The following HIGD1C variants were observed in gnomAD, a reference collection of about 807,000 sequenced individuals.
HIGD1C encodes the protein HIG1 domain family member 1C.
HIGD1C carries 11 observed loss-of-function variants against 13.1 expected under a neutral mutation model. That is an observed-to-expected ratio of 0.84 (90% CI 0.53 to 1.39). The LOEUF is 1.39. HIGD1C is among the 40% of genes most tolerant of loss of function. The pLI, the probability that HIGD1C is intolerant of heterozygous loss-of-function variation, is 0.00. For synonymous variants in HIGD1C, 36 were observed against 37.7 expected (o/e 0.95, Z 0.17); for missense variants, 110 against 112.0 (o/e 0.98, Z 0.08).
upstream of HIGD1C, among the ~76,000 whole-genome samples, chr12:50,951,473 C>T (rs575137156): frequency 6.6e-6 from 1 of 152,298 alleles, no homozygotes; most frequent in African/African-American, 2.4e-5. Flanking sequence ...CTTTCTGTGT[C>T]TCCTGATATT....
At chr12:50,966,105 A>T (rs1223654459) in intron 2 of HIGD1C, among the ~76,000 whole-genome samples, 1 of 152,180 alleles carries the variant, frequency 6.6e-6, no homozygotes, top group African/African-American at 2.4e-5. Context: ...TTTGCTGCCC[A>T]TCACAACAAT....
At chr12:50,956,465 T>C (rs557810041) in intron 1 of HIGD1C, among the ~76,000 whole-genome samples, 7 of 152,358 alleles carry the variant, frequency 4.6e-5, no homozygotes, top group African/African-American at 1.7e-4. Flanking sequence ...CTACTATGTA[T>C]TTTCCTGCTA....
rs35764288 is a variant in HIGD1C, at chr12:50,963,369, C to CAA, written c.229+2290_229+2291dup. 2.4e-3 allele frequency among the ~76,000 whole-genome samples: 176 copies of CAA among 72,048 alleles called. 1 individual carries two copies. The highest frequency in any genetic ancestry group is 8.3e-3 in the Middle Eastern group (1 of 120). The allele number at this position is 72,048 out of a possible 152,430, so 47.3% of individuals were successfully genotyped here. ...TGGGTGAAAGGGCAAGACTCCATCTCAAAAAAAAAAAAAAAAAAAAAAAAG... is the reference window on the plus strand; with the variant it reads ...TGGGTGAAAGGGCAAGACTCCATCTCAAAAAAAAAAAAAAAAAAAAAAAAAAG... On this transcript the variant is annotated intron_variant, in intron 2 of 2. Coordinates refer to ENST00000398455, the Ensembl canonical transcript of HIGD1C.
At chr12:50,958,022 T>C (rs1234183959) in intron 1 of HIGD1C, among the ~76,000 whole-genome samples, 1 of 147,978 alleles carries the variant, frequency 6.8e-6, no homozygotes. Flanking sequence ...GCCAGGCTGG[T>C]CCCGAACTTC....
the HIGD1C span, among the ~76,000 whole-genome samples, chr12:50,936,877 T>TCTACTA: frequency 9.8e-4 from 150 of 152,350 alleles, 3 homozygotes; most frequent in East Asian, 0.027. Context: ...GTCTAACTTC[T>TCTACTA]CTACTACCTA....
chr12:50,948,859 AGGAGGAG>A, the HIGD1C span, among the ~76,000 whole-genome samples: 68 of 28,880 alleles, frequency 2.4e-3, no homozygotes, highest in African/African-American at 0.011. Context: ...CGACAGAGCG[AGGAGGAG>A]GGGGGAGGGG....
upstream of HIGD1C, among the ~76,000 whole-genome samples, chr12:50,951,830 G>A (rs774899895): frequency 3.3e-5 from 5 of 150,902 alleles, no homozygotes; most frequent in Admixed American, 6.6e-5. Flanking sequence ...GCTGAGGCAG[G>A]AGAATTGCTT....
the HIGD1C span, among the ~76,000 whole-genome samples, chr12:50,946,200 C>G: frequency 6.6e-6 from 1 of 152,108 alleles, no homozygotes; most frequent in Admixed American, 6.5e-5. Context: ...CCACCAAAAG[C>G]AATGGCAACA....
chr12:50,931,642 C>T, the HIGD1C span: 8 of 140,342 alleles, frequency 5.7e-5, no homozygotes, highest in Non-Finnish European at 7.5e-5. Context: ...ACCCAGAAGG[C>T]GAAGGTTGCA....
chr12:50,933,928 T>C, the HIGD1C span, among the ~76,000 whole-genome samples: 1 of 152,306 alleles, frequency 6.6e-6, no homozygotes, highest in South Asian at 2.1e-4. Context: ...CATCACCTCA[T>C]TGCAAGATCC....
In HIGD1C at chr12:50,966,201, G is replaced by C. The variant is rs1189211590; in HGVS notation, c.230-4241G>C. Reference sequence around the variant, plus strand: ...CCATCATCCCCATTGAATTTAGGGAGCCCAGCAGTTTGCACTGTCATTTCT... The same window carrying C: ...CCATCATCCCCATTGAATTTAGGGACCCCAGCAGTTTGCACTGTCATTTCT... On this transcript the variant is annotated intron_variant, in intron 2 of 2. Transcript: ENST00000398455. Among the ~76,000 whole-genome samples the C allele has an allele frequency of 2.6e-5, 4 of 152,092 alleles. No individual in the cohort carries two copies. The East Asian group carries it at 7.7e-4, about 29-fold the overall frequency.
At chr12:50,971,599 G>A (rs978046864), downstream of HIGD1C, among the ~76,000 whole-genome samples, 22 of 152,282 alleles carry the variant, frequency 1.4e-4, no homozygotes, top group African/African-American at 3.1e-4. Context: ...CTTGGACTCC[G>A]CTCTAACTGC....
At chr12:50,963,824 A>C (rs1451569513) in intron 2 of HIGD1C, among the ~76,000 whole-genome samples, 1 of 152,220 alleles carries the variant, frequency 6.6e-6, no homozygotes, top group Non-Finnish European at 1.5e-5. Context: ...ATGCAGTTAC[A>C]GGCTACTTCA....
the HIGD1C span, among the ~76,000 whole-genome samples, chr12:50,937,666 G>A: frequency 6.6e-6 from 1 of 152,174 alleles, no homozygotes; most frequent in African/African-American, 2.4e-5. Context: ...GAGGTACATA[G>A]ACACTGGAGG....
chr12:50,942,507 T>C, the HIGD1C span, among the ~76,000 whole-genome samples: 1 of 152,246 alleles, frequency 6.6e-6, no homozygotes, highest in African/African-American at 2.4e-5. Context: ...AAAAATCACT[T>C]CCTCCTTGAA....
chr12:50,942,758 G>T, the HIGD1C span, among the ~76,000 whole-genome samples: 2 of 152,102 alleles, frequency 1.3e-5, no homozygotes, highest in East Asian at 1.9e-4. Flanking sequence ...CAGCTACTCA[G>T]GAGGCTGAGG....
chr12:50,954,469 T>A (rs1233458329), intron 1 of HIGD1C: 1 of 161,058 alleles, frequency 6.2e-6, no homozygotes, highest in South Asian at 2.0e-4. Context: ...TTGAGATGCA[T>A]ATGTCTCTTT....
chr12:50,972,122 C>A (rs571579527), downstream of HIGD1C, among the ~76,000 whole-genome samples: 374 of 152,312 alleles, frequency 2.5e-3, 2 homozygotes, highest in African/African-American at 8.4e-3. Flanking sequence ...CTGAGGACAG[C>A]TGGCATGGAA....
At chr12:50,959,849 C>A (rs370898373) in intron 1 of HIGD1C, among the ~76,000 whole-genome samples, 1 of 151,972 alleles carries the variant, frequency 6.6e-6, no homozygotes, top group Non-Finnish European at 1.5e-5. Context: ...GGGATTTCAC[C>A]GTGTTGGCCA....
Sources: allele counts gnomAD v4.1 joint callset (sites outside exome capture counted in the v4.1 genomes callset), GRCh38; gene constraint gnomAD v4.1.1; transcripts MANE v1.5; gene names NCBI Gene and HGNC (gene_info 2026-07-23, HGNC 2026-07-21).